The following LRRC63 variants were observed in gnomAD, a reference collection of about 807,000 sequenced individuals.
LRRC63 encodes the protein leucine rich repeat containing 63.
Under a neutral mutation model 49.5 loss-of-function variants are expected in LRRC63, and 40 were observed. The ratio of observed to expected loss-of-function variants is 0.81; its 90% CI spans 0.63 to 1.05. The LOEUF (loss-of-function observed/expected upper bound fraction) is 1.05. Ranked by LOEUF, LRRC63 falls within the 50% of genes least tolerant of loss-of-function variation. The pLI, the probability that LRRC63 is intolerant of heterozygous loss-of-function variation, is 0.00. For synonymous variants in LRRC63, 191 were observed against 221.1 expected, an observed-to-expected ratio of 0.86 and a Z score of 1.21; for missense variants, 636 against 663.1, an observed-to-expected ratio of 0.96 and a Z score of 0.45.
At chr13:46,271,936 CAATAACT>C (rs1316160739) in intron 9 of LRRC63, among the ~76,000 whole-genome samples, 1 of 151,808 alleles carries the variant, frequency 6.6e-6, no homozygotes, top group East Asian at 1.9e-4. Flanking sequence ...TAATAACTAA[CAATAACT>C]AATAACTAAT....
chr13:46,249,640 T>C (rs2047319119), intron 6 of LRRC63, among the ~76,000 whole-genome samples: 1 of 151,872 alleles, frequency 6.6e-6, no homozygotes, highest in Admixed American at 6.6e-5. Context: ...CCAAAATAAT[T>C]TTGAAAAGAA....
chr13:46,228,599 C>T (rs1420857485), intron 3 of LRRC63, 66 bp from the exon 4 acceptor site: 2 of 931,360 alleles, frequency 2.1e-6, no homozygotes, highest in South Asian at 1.5e-5. Context: ...ATATTGAAGT[C>T]ATAAAACCCT....
At chr13:46,231,933 A>C (rs2046772943) in intron 4 of LRRC63, among the ~76,000 whole-genome samples, 1 of 150,666 alleles carries the variant, frequency 6.6e-6, no homozygotes, top group South Asian at 2.1e-4. Context: ...CTCCTGCCTC[A>C]GCCTCACGAG....
intron 8 of LRRC63, among the ~76,000 whole-genome samples, chr13:46,262,696 A>G (rs2047632183): frequency 6.6e-6 from 1 of 151,980 alleles, no homozygotes; most frequent in African/African-American, 2.4e-5. Context: ...GGAATTTATG[A>G]CTCACGTCAT....
chr13:46,220,602 G>A (rs922055520), intron 2 of LRRC63, among the ~76,000 whole-genome samples: 3 of 150,450 alleles, frequency 2.0e-5, no homozygotes, highest in African/African-American at 7.3e-5. Context: ...CCTTTCCAGG[G>A]TAGTGAACAG....
At chr13:46,222,859 C>T (rs1037055882) in intron 2 of LRRC63, among the ~76,000 whole-genome samples, 1 of 152,032 alleles carries the variant, frequency 6.6e-6, no homozygotes, top group African/African-American at 2.4e-5. Context: ...GGCACATATA[C>T]ACCATAGAAT....
chr13:46,239,526 A>G (rs569224069), intron 5 of LRRC63, among the ~76,000 whole-genome samples: 44 of 152,356 alleles, frequency 2.9e-4, no homozygotes, highest in Admixed American at 1.3e-3. Context: ...GCCCAGTGCT[A>G]CACAGATTCA....
intron 9 of LRRC63, among the ~76,000 whole-genome samples, chr13:46,275,605 T>C (rs2047824523): frequency 6.6e-6 from 1 of 152,126 alleles, no homozygotes; most frequent in Non-Finnish European, 1.5e-5. Context: ...TATTGGCCAA[T>C]TTATATGTCT....
At chr13:46,270,649 T>C (rs1056002017) in intron 9 of LRRC63, 4 of 789,196 alleles carry the variant, frequency 5.1e-6, no homozygotes, top group Non-Finnish European at 8.9e-6. Flanking sequence ...AAAAGCAAAG[T>C]GGGATTCTTG....
chr13:46,244,712 G>A (rs2047164588), intron 5 of LRRC63, among the ~76,000 whole-genome samples: 2 of 152,178 alleles, frequency 1.3e-5, no homozygotes, highest in African/African-American at 4.8e-5. Context: ...TGAGGTTTTA[G>A]TGAGCTATGA....
At chr13:46,234,330 G>C in exon 5 of LRRC63, 1 of 1,549,842 alleles carries the variant, frequency 6.5e-7, no homozygotes, top group Non-Finnish European at 8.7e-7. Flanking sequence ...GTATATGGGA[G>C]AAATGCACTT....
chr13:46,227,478 A>G (rs1402788341), intron 2 of LRRC63, 34 bp from the exon 3 acceptor site: 15 of 1,302,014 alleles, frequency 1.2e-5, no homozygotes, highest in Non-Finnish European at 1.3e-5. Flanking sequence ...ATTGATAAAT[A>G]TAATTTAATT....
At chr13:46,226,153 AT>A (rs539374721) in intron 2 of LRRC63, among the ~76,000 whole-genome samples, 12 of 148,070 alleles carry the variant, frequency 8.1e-5, no homozygotes, top group Admixed American at 2.7e-4. Context: ...TTGGCTAATT[AT>A]TTTTTTTTTG....
At chr13:46,270,341 G>T (rs769630516) in intron 9 of LRRC63, 2 of 864,690 alleles carry the variant, frequency 2.3e-6, no homozygotes, top group South Asian at 2.6e-5. Flanking sequence ...TAAGTGGGGG[G>T]CACAGTTTCT....
At chr13:46,226,134 A>C (rs112127343) in intron 2 of LRRC63, among the ~76,000 whole-genome samples, 3,884 of 152,002 alleles carry the variant, frequency 0.026, 69 homozygotes, top group African/African-American at 0.049. Context: ...CAGGAGCATG[A>C]TGCCACACTT....
At chr13:46,231,709 C>A (rs2046761910) in intron 4 of LRRC63, among the ~76,000 whole-genome samples, 1 of 151,568 alleles carries the variant, frequency 6.6e-6, no homozygotes, top group Non-Finnish European at 1.5e-5. Flanking sequence ...AGGGTTTCAC[C>A]ATGTTGACCA....
intron 9 of LRRC63, among the ~76,000 whole-genome samples, chr13:46,268,523 C>T (rs1000371118): frequency 6.7e-6 from 1 of 148,398 alleles, no homozygotes; most frequent in Non-Finnish European, 1.5e-5. Context: ...AAGATAAGAA[C>T]CTAAAATCAG....
In LRRC63 at chr13:46,228,205, A is replaced by G. The variant is rs2046634943; in HGVS notation, c.763+16A>G. On this transcript the variant is annotated intron_variant, in intron 3 of 9. Transcript: ENST00000595396. ...TCTGTGATAGGTAAATACAATCTGA[A>G]CACGGTATAATTATAGAGTCAAGTA... The G allele has an allele frequency of 1.3e-6, 2 of 1,509,028 alleles. No individual in the cohort carries two copies. Among genetic ancestry groups the G allele is most frequent in the Admixed American group, 2.1e-5 (1 of 48,480 alleles). 93.5% of individuals were successfully genotyped at this position (1,509,028 alleles called of 1,614,324 possible). A position where few individuals can be genotyped will look rare whatever the true frequency, so the allele number is the denominator to read the frequency against.
At chr13:46,238,494 T>G (rs2046966461) in intron 5 of LRRC63, among the ~76,000 whole-genome samples, 1 of 151,876 alleles carries the variant, frequency 6.6e-6, no homozygotes, top group South Asian at 2.1e-4. Context: ...TTTAATGGAC[T>G]GACAGTTCCA....
Sources: gnomAD v4.1 joint callset for allele counts (sites outside exome capture counted in the v4.1 genomes callset) on GRCh38, gnomAD v4.1.1 for gene constraint, MANE v1.5 for transcripts, NCBI Gene and HGNC (gene_info 2026-07-23, HGNC 2026-07-21) for gene names.